ARHGAP24: variants seen among roughly 807,000 people sequenced by gnomAD.
The protein encoded by ARHGAP24 is rho GTPase-activating protein 24.
In ARHGAP24, 50 loss-of-function variants were observed where a neutral mutation model predicts 76.4. The observed-to-expected ratio is 0.65, with a 90% CI of 0.52 to 0.83. ARHGAP24 has a LOEUF of 0.83. Among genes scored for constraint, ARHGAP24 ranks in the 40% least tolerant of loss-of-function variants. The pLI, the probability that ARHGAP24 is intolerant of heterozygous loss-of-function variation, is 0.00. For missense variants in ARHGAP24, 930 were observed against 914.2 expected (o/e 1.02, Z -0.22); for synonymous variants, 345 against 323.3 (o/e 1.07, Z -0.72).
At chr4:85,693,680 G>A (rs961169038) in intron 2 of ARHGAP24, among the ~76,000 whole-genome samples, 1 of 152,212 alleles carries the variant, frequency 6.6e-6, no homozygotes, top group Non-Finnish European at 1.5e-5. Flanking sequence ...ACACACTCCT[G>A]TTGGGTAGCC....
At chr4:85,475,893 A>G (rs912770864) in intron 1 of ARHGAP24, among the ~76,000 whole-genome samples, 2 of 151,834 alleles carry the variant, frequency 1.3e-5, no homozygotes, top group South Asian at 2.1e-4. Context: ...GTACAATTCA[A>G]TTTCCTCTCT....
chr4:85,983,611 A>G (rs1739814349), intron 8 of ARHGAP24, among the ~76,000 whole-genome samples: 1 of 152,232 alleles, frequency 6.6e-6, no homozygotes, highest in Non-Finnish European at 1.5e-5. Context: ...AACTTACTTT[A>G]AAAAGCTCAA....
At chr4:85,530,250 A>C (rs1285353323) in intron 1 of ARHGAP24, among the ~76,000 whole-genome samples, 1 of 152,042 alleles carries the variant, frequency 6.6e-6, no homozygotes. Context: ...GAAACCTATG[A>C]GTTCACAAAT....
In ARHGAP24 at chr4:85,977,658, C is replaced by A. The variant is rs1311539599; in HGVS notation, c.895C>A (p.Pro299Thr). The A allele has an allele frequency of 6.2e-7, 1 of 1,613,716 alleles. No homozygotes were observed. Among genetic ancestry groups the A allele is most frequent in the African/African-American group, 1.3e-5 (1 of 74,870 alleles). ...ATVFGPNILRPKVEDPLTIME... is the reference protein window; with the variant it reads ...ATVFGPNILRTKVEDPLTIME... ...GGTCTTTGGTCCTAATATCCTGCGCCCCAAAGTGGAAGATCCTTTGACTAT... is the reference window on the plus strand; with the variant it reads ...GGTCTTTGGTCCTAATATCCTGCGCACCAAAGTGGAAGATCCTTTGACTAT... Residue 299 changes from proline (P) to threonine (T), a missense_variant, in exon 8 of 10, where the codon CCC (proline) becomes ACC (threonine). By Grantham distance (38) the Pro-to-Thr change is conservative. Transcript: ENST00000395184.
At chr4:85,669,610 T>C (rs1285583751) in intron 2 of ARHGAP24, among the ~76,000 whole-genome samples, 1 of 138,444 alleles carries the variant, frequency 7.2e-6, no homozygotes, top group Non-Finnish European at 1.5e-5. Flanking sequence ...AATTAAAAAG[T>C]TACAGGGTAG....
intron 3 of ARHGAP24, among the ~76,000 whole-genome samples, chr4:85,798,562 A>G (rs2110102103): frequency 6.6e-6 from 1 of 152,346 alleles, no homozygotes; most frequent in South Asian, 2.1e-4. Context: ...CAAAACTCCA[A>G]TAAGGTCTGA....
intron 2 of ARHGAP24, among the ~76,000 whole-genome samples, chr4:85,633,587 C>T (rs542078339): frequency 3.5e-4 from 53 of 151,898 alleles, no homozygotes; most frequent in African/African-American, 1.1e-3. Context: ...GTTCTTCTAG[C>T]GGAGTGATAT....
Position 86,001,145 on chromosome 4 carries a change from C to A in ARHGAP24, c.*423C>A, listed in dbSNP as rs978530626. ...TTTATAGATCAATATTTTTATTTCC[C>A]TTTTTTGCTGAGGAAATGAAGATAA... On this transcript the variant is annotated 3_prime_UTR_variant, in exon 10 of 10. Coordinates refer to ENST00000395184, the MANE Select transcript of ARHGAP24 (RefSeq NM_001025616.3). 2.6e-6 allele frequency: 1 copy of A among 387,520 alleles called. No homozygotes were observed. The highest frequency in any genetic ancestry group is 4.5e-6 in the Non-Finnish European group (1 of 221,016). The allele number at this position is 387,520 out of a possible 1,614,324, so 24.0% of individuals were successfully genotyped here. A position where few individuals can be genotyped will look rare whatever the true frequency, so the allele number is the denominator to read the frequency against.
chr4:85,582,261 G>A (rs1727644769), intron 2 of ARHGAP24, among the ~76,000 whole-genome samples: 1 of 152,078 alleles, frequency 6.6e-6, no homozygotes, highest in Non-Finnish European at 1.5e-5. Context: ...GAATATTGAA[G>A]TAAAAATCTT....
intron 4 of ARHGAP24, among the ~76,000 whole-genome samples, chr4:85,935,870 C>T (rs934110451): frequency 1.5e-4 from 23 of 152,172 alleles, no homozygotes; most frequent in Admixed American, 1.2e-3. Context: ...TTCCTTCCCC[C>T]CTCTGACTTT....
At chr4:85,730,475 C>T (rs540150657) in intron 3 of ARHGAP24, among the ~76,000 whole-genome samples, 11 of 152,316 alleles carry the variant, frequency 7.2e-5, no homozygotes, top group Middle Eastern at 3.4e-3. Flanking sequence ...GGTGCAATCA[C>T]GGCTCACTGC....
chr4:85,812,447 A>G (rs1200842128), intron 3 of ARHGAP24, among the ~76,000 whole-genome samples: 1 of 152,086 alleles, frequency 6.6e-6, no homozygotes, highest in African/African-American at 2.4e-5. Context: ...AAAGAGAGAA[A>G]CTAATTCACA....
chr4:85,545,006 T>G (rs1982699), intron 1 of ARHGAP24, among the ~76,000 whole-genome samples: 18,505 of 151,734 alleles, frequency 0.12, 3,184 homozygotes, highest in African/African-American at 0.39. Context: ...CGGACTGAAT[T>G]AACACTCACT....
chr4:85,693,340 A>G (rs6828509), intron 2 of ARHGAP24, among the ~76,000 whole-genome samples: 28,348 of 152,130 alleles, frequency 0.19, 2,903 homozygotes, highest in Middle Eastern at 0.23. Flanking sequence ...CAGAGGCTGC[A>G]GCAAAGAAAT....
intron 3 of ARHGAP24, among the ~76,000 whole-genome samples, chr4:85,898,035 A>ATATATATATGTG (rs1560704143): frequency 1.0e-4 from 1 of 9,698 alleles, no homozygotes; most frequent in Non-Finnish European, 2.2e-4. Flanking sequence ...ATATATGTGT[A>ATATATATATGTG]TATATATATA....
intron 2 of ARHGAP24, among the ~76,000 whole-genome samples, chr4:85,675,294 C>T (rs1184505512): frequency 1.3e-5 from 2 of 152,124 alleles, no homozygotes; most frequent in Non-Finnish European, 1.5e-5. Context: ...AGGCAAGAGT[C>T]CAAATGAGAA....
In ARHGAP24 at chr4:85,930,749, G is replaced by A. The variant is rs1736283693; in HGVS notation, c.391+6979G>A. ...AAGGAAGTTTTTTTTTGCTAAACAG[G>A]AGTAAATGAGAGGTGGTAACTTATC... On this transcript the variant is annotated intron_variant, in intron 4 of 9. Coordinates refer to ENST00000395184, the MANE Select transcript of ARHGAP24 (RefSeq NM_001025616.3). 14 of 1,345,352 alleles carry A rather than the reference G, an allele frequency of 1.0e-5. No homozygotes were observed. The South Asian group carries it at 2.3e-4, about 22-fold the overall frequency. 83.3% of individuals were successfully genotyped at this position (1,345,352 alleles called of 1,614,324 possible).
chr4:85,806,177 C>T (rs940090157), intron 3 of ARHGAP24, among the ~76,000 whole-genome samples: 14 of 152,114 alleles, frequency 9.2e-5, no homozygotes, highest in African/African-American at 3.4e-4. Flanking sequence ...AGTATTTTTA[C>T]CCCTGACCTC....
At chr4:85,615,756 C>T (rs1307546393) in intron 2 of ARHGAP24, among the ~76,000 whole-genome samples, 1 of 152,112 alleles carries the variant, frequency 6.6e-6, no homozygotes, top group East Asian at 1.9e-4. Context: ...ATTGTGAATC[C>T]TTCCCACAAG....
Sources: gnomAD v4.1 joint callset for allele counts (sites outside exome capture counted in the v4.1 genomes callset) on GRCh38, gnomAD v4.1.1 for gene constraint, MANE v1.5 for transcripts, NCBI Gene and HGNC (gene_info 2026-07-23, HGNC 2026-07-21) for gene names.